Variants in PPARGC1A observed in about 807,000 individuals in gnomAD.
The protein encoded by PPARGC1A is PPARG coactivator 1 alpha.
A neutral mutation model predicts 88.7 loss-of-function variants in PPARGC1A; 25 were observed. That is an observed-to-expected ratio of 0.28 (90% CI 0.21 to 0.39). PPARGC1A has a LOEUF of 0.39. Ranked by LOEUF, PPARGC1A falls within the 10% of genes least tolerant of loss-of-function variation. PPARGC1A has a pLI of 1.00. For synonymous variants in PPARGC1A, 363 were observed against 355.6 expected, an observed-to-expected ratio of 1.02 and a Z score of -0.24; for missense variants, 880 against 968.7, an observed-to-expected ratio of 0.91 and a Z score of 1.22.
At chr4:23,997,459 C>A in the PPARGC1A span, among the ~76,000 whole-genome samples, 2 of 145,256 alleles carry the variant, frequency 1.4e-5, no homozygotes, top group Non-Finnish European at 3.0e-5. Flanking sequence ...TTTCTTTAAA[C>A]AAATTCACCC....
the PPARGC1A span, among the ~76,000 whole-genome samples, chr4:23,953,419 A>T: frequency 6.6e-6 from 1 of 152,164 alleles, no homozygotes; most frequent in Non-Finnish European, 1.5e-5. Context: ...ACAGAAACAG[A>T]GAGAAAAACT....
chr4:23,928,197 G>C, the PPARGC1A span, among the ~76,000 whole-genome samples: 1 of 152,128 alleles, frequency 6.6e-6, no homozygotes, highest in Non-Finnish European at 1.5e-5. Flanking sequence ...ATTGTTCTTG[G>C]ATGCAGCTGC....
At chr4:24,164,840 TA>T in the PPARGC1A span, among the ~76,000 whole-genome samples, 1 of 151,996 alleles carries the variant, frequency 6.6e-6, no homozygotes, top group Non-Finnish European at 1.5e-5. Context: ...AGAATTTCTA[TA>T]GGGGGAAGGA....
At chr4:23,967,863 G>A in the PPARGC1A span, among the ~76,000 whole-genome samples, 1 of 152,232 alleles carries the variant, frequency 6.6e-6, no homozygotes, top group Admixed American at 6.5e-5. Flanking sequence ...CTGTGTTGAA[G>A]AAAGTACATA....
At chr4:24,167,528 C>G in the PPARGC1A span, among the ~76,000 whole-genome samples, 1 of 152,138 alleles carries the variant, frequency 6.6e-6, no homozygotes, top group Non-Finnish European at 1.5e-5. Flanking sequence ...GCATTACATG[C>G]TACAGAGAAC....
the PPARGC1A span, among the ~76,000 whole-genome samples, chr4:24,025,193 T>C: frequency 6.6e-6 from 1 of 152,160 alleles, no homozygotes; most frequent in African/African-American, 2.4e-5. Context: ...CAATGAGATA[T>C]GCAGTGTCTT....
chr4:23,839,536 T>A (rs912520179), intron 2 of PPARGC1A, among the ~76,000 whole-genome samples: 3 of 152,088 alleles, frequency 2.0e-5, no homozygotes, highest in Non-Finnish European at 4.4e-5. Flanking sequence ...TAATCCTAGA[T>A]CCATTTCCAC....
the PPARGC1A span, among the ~76,000 whole-genome samples, chr4:24,228,051 A>G: frequency 6.6e-6 from 1 of 152,140 alleles, no homozygotes; most frequent in South Asian, 2.1e-4. Context: ...GCTCAGCTCC[A>G]TCCTCATCTC....
At chr4:24,431,084 C>T in the PPARGC1A span, among the ~76,000 whole-genome samples, 19 of 147,166 alleles carry the variant, frequency 1.3e-4, no homozygotes, top group East Asian at 4.0e-4. Context: ...GAGATCACAC[C>T]GCTGCACTCC....
chr4:24,300,492 G>A, the PPARGC1A span, among the ~76,000 whole-genome samples: 10 of 151,606 alleles, frequency 6.6e-5, no homozygotes, highest in East Asian at 9.7e-4. Flanking sequence ...AGACACTCAG[G>A]TAGATAACTA....
chr4:24,207,619 C>T, the PPARGC1A span, among the ~76,000 whole-genome samples: 8 of 152,328 alleles, frequency 5.3e-5, 1 homozygote, highest in African/African-American at 1.9e-4. Flanking sequence ...TTTAAATCAG[C>T]TATTGCTGCT....
chr4:23,921,040 G>A, the PPARGC1A span, among the ~76,000 whole-genome samples: 44 of 152,150 alleles, frequency 2.9e-4, no homozygotes, highest in African/African-American at 9.2e-4. Flanking sequence ...TGAGTCTCCC[G>A]TGCCACCCCC....
chr4:24,317,791 G>A, the PPARGC1A span, among the ~76,000 whole-genome samples: 1 of 152,014 alleles, frequency 6.6e-6, no homozygotes, highest in Non-Finnish European at 1.5e-5. Flanking sequence ...TCCACAGCAA[G>A]GCATTTCAAA....
At chr4:23,888,079 T>A (rs1717210647) in intron 1 of PPARGC1A, among the ~76,000 whole-genome samples, 1 of 152,180 alleles carries the variant, frequency 6.6e-6, no homozygotes, top group South Asian at 2.1e-4. Flanking sequence ...CATTAATGAT[T>A]CAAAAAATGA....
the PPARGC1A span, among the ~76,000 whole-genome samples, chr4:24,387,742 AAGAAAGAGAGAG>A: frequency 3.2e-3 from 255 of 80,560 alleles, 4 homozygotes; most frequent in Middle Eastern, 0.019. Flanking sequence ...TCAAGAAAGA[AAGAAAGAGAGAG>A]AGAGAGAGAG....
chr4:24,147,008 A>G, the PPARGC1A span, among the ~76,000 whole-genome samples: 1 of 152,202 alleles, frequency 6.6e-6, no homozygotes, highest in Non-Finnish European at 1.5e-5. Flanking sequence ...GCTTGCCACC[A>G]AGTAACAACC....
chr4:24,121,894 A>C, the PPARGC1A span, among the ~76,000 whole-genome samples: 2 of 152,180 alleles, frequency 1.3e-5, no homozygotes, highest in Non-Finnish European at 2.9e-5. Context: ...TGATTTTAGC[A>C]TCTTAACCCT....
chr4:23,999,839 C>T, the PPARGC1A span, among the ~76,000 whole-genome samples: 1 of 152,110 alleles, frequency 6.6e-6, no homozygotes. Context: ...AGCCGCCCCT[C>T]TGGAATGAGG....
the PPARGC1A span, among the ~76,000 whole-genome samples, chr4:24,301,976 G>T: frequency 6.6e-6 from 1 of 152,120 alleles, no homozygotes; most frequent in African/African-American, 2.4e-5. Context: ...TTGAAATTAA[G>T]CATTCACTTT....
Sources: allele counts gnomAD v4.1 joint callset (sites outside exome capture counted in the v4.1 genomes callset), GRCh38; gene constraint gnomAD v4.1.1; transcripts MANE v1.5; gene names NCBI Gene and HGNC (gene_info 2026-07-23, HGNC 2026-07-21).